The following LIN28B variants were observed in gnomAD, a reference collection of about 807,000 sequenced individuals.
LIN28B encodes protein lin-28 homolog B.
Under a neutral mutation model 21.9 loss-of-function variants are expected in LIN28B, and 5 were observed. The observed-to-expected ratio is 0.23, with a 90% confidence interval of 0.12 to 0.48. LIN28B has a LOEUF of 0.48. LIN28B is among the 20% of genes least tolerant of loss of function. LIN28B has a pLI of 0.98. For missense variants in LIN28B, 245 were observed against 310.5 expected (o/e 0.79, Z 1.58); for synonymous variants, 109 against 111.3 (o/e 0.98, Z 0.13).
chr6:104,986,180 T>C (rs1413586440), intron 2 of LIN28B, among the ~76,000 whole-genome samples: 1 of 152,158 alleles, frequency 6.6e-6, no homozygotes, highest in Non-Finnish European at 1.5e-5. Context: ...AAGATGTGCC[T>C]GCTTCTCCTT....
At chr6:105,018,004 A>C (rs1284650304) in intron 2 of LIN28B, among the ~76,000 whole-genome samples, 1 of 152,170 alleles carries the variant, frequency 6.6e-6, no homozygotes, top group Non-Finnish European at 1.5e-5. Flanking sequence ...TGAGTATGCT[A>C]CCTCATGCCT....
At chr6:105,018,191 G>A (rs1477025595) in intron 2 of LIN28B, among the ~76,000 whole-genome samples, 1 of 152,120 alleles carries the variant, frequency 6.6e-6, no homozygotes, top group East Asian at 1.9e-4. Flanking sequence ...AGAGGCTGAG[G>A]CAGGAGGATT....
intron 2 of LIN28B, among the ~76,000 whole-genome samples, chr6:104,999,232 A>G (rs1416887517): frequency 1.3e-5 from 2 of 152,138 alleles, no homozygotes; most frequent in East Asian, 3.8e-4. Flanking sequence ...CTTGAACTCT[A>G]AGGCTCAAGA....
At chr6:105,031,827 T>C (rs1771431528) in intron 3 of LIN28B, among the ~76,000 whole-genome samples, 1 of 152,128 alleles carries the variant, frequency 6.6e-6, no homozygotes, top group Non-Finnish European at 1.5e-5. Flanking sequence ...CTTTTGGTAT[T>C]CAGTTAGATG....
chr6:105,006,146 T>C (rs993902950), intron 2 of LIN28B, among the ~76,000 whole-genome samples: 1 of 152,166 alleles, frequency 6.6e-6, no homozygotes, highest in Non-Finnish European at 1.5e-5. Context: ...CTTTTTGGTG[T>C]ATGACATTTT....
At chr6:104,987,420 T>C (rs1186730040) in intron 2 of LIN28B, among the ~76,000 whole-genome samples, 7 of 152,118 alleles carry the variant, frequency 4.6e-5, no homozygotes, top group South Asian at 2.1e-4. Flanking sequence ...AATGCAGTGG[T>C]GCAACCTCAA....
At chr6:105,002,016 G>T (rs971149115) in intron 2 of LIN28B, among the ~76,000 whole-genome samples, 1 of 152,118 alleles carries the variant, frequency 6.6e-6, no homozygotes, top group Non-Finnish European at 1.5e-5. Context: ...GTGAAGCTGG[G>T]CCATTGACTT....
intron 2 of LIN28B, among the ~76,000 whole-genome samples, chr6:105,011,272 C>T (rs192692527): frequency 6.6e-6 from 1 of 152,290 alleles, no homozygotes; most frequent in East Asian, 1.9e-4. Flanking sequence ...TCACTGCAGC[C>T]TCTGTCTCCC....
At chr6:105,075,239 A>G (rs1295512695) in intron 3 of LIN28B, among the ~76,000 whole-genome samples, 1 of 152,200 alleles carries the variant, frequency 6.6e-6, no homozygotes, top group Non-Finnish European at 1.5e-5. Context: ...TCACATCACA[A>G]TGTAAAATTC....
At chr6:105,047,842 T>C (rs1771802997) in intron 3 of LIN28B, among the ~76,000 whole-genome samples, 1 of 152,208 alleles carries the variant, frequency 6.6e-6, no homozygotes, top group Non-Finnish European at 1.5e-5. Flanking sequence ...TGTATAAGAA[T>C]GCTTGTGATT....
chr6:104,997,000 G>C (rs935275400), intron 2 of LIN28B, among the ~76,000 whole-genome samples: 2 of 152,020 alleles, frequency 1.3e-5, no homozygotes, highest in African/African-American at 4.8e-5. Context: ...GGAAAAGAAA[G>C]GCCGGGCACA....
rs1267462346 is a variant in LIN28B, at chr6:105,045,231, TA to T, written c.383+18751del. On this transcript the variant is annotated intron_variant, in intron 3 of 3. Coordinates refer to ENST00000345080, the MANE Select transcript of LIN28B (RefSeq NM_001004317.4). ...AAATCCACTCACTTATATTTAATAA[TA>T]ATAACTATTATTATTTAATATGGAA... 1.2e-4 allele frequency among the ~76,000 whole-genome samples: 18 copies of T among 151,354 alleles called. No individual in the cohort carries two copies. In the South Asian group the frequency reaches 2.3e-3, roughly 19 times the overall value.
At position 105,026,287 on chromosome 6, in the gene LIN28B, G is replaced by A. The variant is rs1771285790; in HGVS notation, c.199-11G>A. ...CTCTTTTTCTCCCCCACCCTCTTCT[G>A]CTCTTTACAGAGCAAACTATTCATG... On this transcript the variant is annotated splice_polypyrimidine_tract_variant and intron_variant, in intron 2 of 3. Coordinates refer to ENST00000345080, the MANE Select transcript of LIN28B (RefSeq NM_001004317.4). 1.3e-6 allele frequency: 2 copies of A among 1,538,290 alleles called. No individual in the cohort carries two copies. The highest frequency in any genetic ancestry group is 4.5e-5 in the East Asian group (2 of 44,060).
At chr6:105,056,262 T>A (rs1772021501) in intron 3 of LIN28B, among the ~76,000 whole-genome samples, 1 of 24,144 alleles carries the variant, frequency 4.1e-5, no homozygotes, top group South Asian at 5.4e-3. Context: ...TGCGTAGTAA[T>A]TTTTTTATTG....
In LIN28B at chr6:105,035,716, A is replaced by G. The variant is rs906512214; in HGVS notation, c.383+9234A>G. On this transcript the variant is annotated intron_variant, in intron 3 of 3. Coordinates refer to ENST00000345080, the MANE Select transcript of LIN28B (RefSeq NM_001004317.4). The stretch of plus-strand genomic sequence containing the variant: ...AATAAATTTTAGCTGCATAATACAA[A>G]TTAAGTTCACATAGCTTACCCTCAA... Among the ~76,000 whole-genome samples, 27 of 152,200 alleles carry G rather than the reference A, an allele frequency of 1.8e-4. 1 individual carries two copies. Among genetic ancestry groups the G allele is most frequent in the Admixed American group, 1.7e-3 (26 of 15,276 alleles).
At position 105,051,843 on chromosome 6, in the gene LIN28B, C is replaced by T. The variant is rs72944752; in HGVS notation, c.383+25361C>T. ...AGAATGGAACATACCAGGGTCTTGACGTCCTGGAGCACAGATTTTAGAATG... is the reference window on the plus strand; with the variant it reads ...AGAATGGAACATACCAGGGTCTTGATGTCCTGGAGCACAGATTTTAGAATG... On this transcript the variant is annotated intron_variant, in intron 3 of 3. Transcript: ENST00000345080. 8.3e-3 allele frequency among the ~76,000 whole-genome samples: 1,271 copies of T among 152,228 alleles called. 8 individuals are homozygous for T. Among genetic ancestry groups the T allele is most frequent in the Non-Finnish European group, 0.014 (941 of 68,024 alleles).
intron 2 of LIN28B, among the ~76,000 whole-genome samples, chr6:105,002,566 G>A (rs751890226): frequency 1.1e-4 from 16 of 152,118 alleles, no homozygotes; most frequent in African/African-American, 2.2e-4. Context: ...TATTTTAAGC[G>A]TGCAGTAGTC....
At chr6:105,013,341 G>T (rs1300351208) in intron 2 of LIN28B, among the ~76,000 whole-genome samples, 2 of 151,156 alleles carry the variant, frequency 1.3e-5, no homozygotes, top group Non-Finnish European at 2.9e-5. Context: ...ATTTTTTTTT[G>T]AAGCCTAATG....
intron 3 of LIN28B, among the ~76,000 whole-genome samples, chr6:105,045,237 CTATTAT>C (rs1005981734): frequency 6.7e-6 from 1 of 148,372 alleles, no homozygotes; most frequent in Non-Finnish European, 1.5e-5. Context: ...ATAATAATAA[CTATTAT>C]TATTTAATAT....
Sources: allele counts gnomAD v4.1 joint callset (sites outside exome capture counted in the v4.1 genomes callset), GRCh38; gene constraint gnomAD v4.1.1; transcripts MANE v1.5; gene names NCBI Gene and HGNC (gene_info 2026-07-23, HGNC 2026-07-21).